Variants in PCBP3 observed in about 807,000 individuals in gnomAD.
PCBP3 encodes the protein poly(rC)-binding protein 3.
Under a neutral mutation model 52.7 loss-of-function variants are expected in PCBP3, and 25 were observed. The ratio of observed to expected loss-of-function variants is 0.47; its 90% CI spans 0.35 to 0.66. The LOEUF (loss-of-function observed/expected upper bound fraction) is 0.66, where lower values mean the gene tolerates loss of function less well. Ranked by LOEUF, PCBP3 falls within the 30% of genes least tolerant of loss-of-function variation. The pLI is 0.01. For synonymous variants in PCBP3, 162 were observed against 183.0 expected (o/e 0.89, Z 0.93); for missense variants, 391 against 490.3 (o/e 0.80, Z 1.91).
At chr21:45,844,294 G>A (rs779494558) in intron 4 of PCBP3, among the ~76,000 whole-genome samples, 1 of 152,222 alleles carries the variant, frequency 6.6e-6, no homozygotes, top group Admixed American at 6.5e-5. Context: ...GCTGCATGGA[G>A]CATAGACACG....
intron 2 of PCBP3, among the ~76,000 whole-genome samples, chr21:45,677,878 AG>A (rs1476278063): frequency 4.6e-5 from 7 of 152,288 alleles, no homozygotes; most frequent in Non-Finnish European, 7.3e-5. Flanking sequence ...GCCCAGAAAA[AG>A]GTTCCTCTCA....
chr21:45,936,957 C>T (rs990250709), intron 16 of PCBP3, among the ~76,000 whole-genome samples: 1 of 152,172 alleles, frequency 6.6e-6, no homozygotes, highest in Non-Finnish European at 1.5e-5. Flanking sequence ...TGGGTACAGC[C>T]TTCCATGCTT....
At chr21:45,779,696 A>G (rs920010752) in intron 4 of PCBP3, among the ~76,000 whole-genome samples, 5 of 152,210 alleles carry the variant, frequency 3.3e-5, no homozygotes, top group Non-Finnish European at 7.3e-5. Context: ...TTGCCAACAG[A>G]AATTGTTGAA....
intron 4 of PCBP3, among the ~76,000 whole-genome samples, chr21:45,810,904 T>C (rs1389327352): frequency 6.6e-6 from 1 of 152,230 alleles, no homozygotes; most frequent in Non-Finnish European, 1.5e-5. Flanking sequence ...AGTTTTAAAA[T>C]GGCCCCACTT....
chr21:45,782,735 CTT>C (rs575515447), intron 4 of PCBP3, among the ~76,000 whole-genome samples: 1 of 152,348 alleles, frequency 6.6e-6, no homozygotes, highest in Non-Finnish European at 1.5e-5. Flanking sequence ...AGCAAGCAAA[CTT>C]TTCACATCTG....
chr21:45,864,927 G>C (rs1048356996), intron 5 of PCBP3, among the ~76,000 whole-genome samples: 2 of 152,168 alleles, frequency 1.3e-5, no homozygotes, highest in Admixed American at 1.3e-4. Context: ...TTCTCTGCGT[G>C]AAAGTAATGC....
chr21:45,863,436 G>A (rs953323233), intron 5 of PCBP3, among the ~76,000 whole-genome samples: 4 of 152,190 alleles, frequency 2.6e-5, no homozygotes, highest in South Asian at 2.1e-4. Flanking sequence ...TGCTGCGGCC[G>A]TGTGTCCTAC....
chr21:45,875,334 T>A (rs566322628), intron 5 of PCBP3, among the ~76,000 whole-genome samples: 1 of 152,344 alleles, frequency 6.6e-6, no homozygotes, highest in Admixed American at 6.5e-5. Flanking sequence ...TGCTGGCAGC[T>A]GTTCCAGGTT....
intron 2 of PCBP3, among the ~76,000 whole-genome samples, chr21:45,716,580 A>T (rs2084240475): frequency 6.6e-6 from 1 of 152,094 alleles, no homozygotes; most frequent in African/African-American, 2.4e-5. Flanking sequence ...TCTTGTAAGG[A>T]CACTAGTTCT....
intron 1 of PCBP3, among the ~76,000 whole-genome samples, chr21:45,646,097 C>T (rs1316276124): frequency 1.1e-5 from 1 of 88,926 alleles, no homozygotes; most frequent in South Asian, 5.3e-4. Context: ...CTCTCTCTCT[C>T]TCTCTCTCTC....
At chr21:45,810,810 G>A (rs575539514) in intron 4 of PCBP3, among the ~76,000 whole-genome samples, 1 of 152,258 alleles carries the variant, frequency 6.6e-6, no homozygotes, top group Admixed American at 6.5e-5. Context: ...TGTCGGGAAG[G>A]TATTTGACAA....
intron 1 of PCBP3, among the ~76,000 whole-genome samples, chr21:45,662,514 A>C (rs2147099338): frequency 6.6e-6 from 1 of 152,094 alleles, no homozygotes; most frequent in African/African-American, 2.4e-5. Context: ...CCAGGTGCTG[A>C]GGCAAGAGAC....
rs1245402276 is a variant in PCBP3 at position 45,896,195 on chromosome 21, C to G, written c.11-13C>G. 2 of 1,550,826 alleles carry G rather than the reference C, an allele frequency of 1.3e-6. No homozygotes were observed. The highest frequency in any genetic ancestry group is 1.7e-6 in the Non-Finnish European group (2 of 1,146,846). On this transcript the variant is annotated splice_polypyrimidine_tract_variant and intron_variant, in intron 5 of 17. Transcript: ENST00000681687. ...GACTCTTCTCTAGCAGCAGCTGTGC[C>G]TTCTCTCTCCAGGTGACGCCTTCTG...
intron 5 of PCBP3, among the ~76,000 whole-genome samples, chr21:45,878,772 C>T (rs1017838693): frequency 3.3e-5 from 5 of 152,194 alleles, no homozygotes; most frequent in African/African-American, 1.2e-4. Flanking sequence ...GACCAGAGGA[C>T]AACTCGACGT....
chr21:45,905,070 C>G (rs181832070), intron 9 of PCBP3, among the ~76,000 whole-genome samples: 130 of 152,344 alleles, frequency 8.5e-4, no homozygotes, highest in African/African-American at 3.0e-3. Context: ...AAGGATACAA[C>G]CAGAATTTTC....
At chr21:45,825,818 G>T (rs1202874041) in intron 4 of PCBP3, among the ~76,000 whole-genome samples, 1 of 152,122 alleles carries the variant, frequency 6.6e-6, no homozygotes, top group Non-Finnish European at 1.5e-5. Flanking sequence ...GGACGTGGGG[G>T]CGCATGTGGA....
At chr21:45,646,269 C>A (rs766278908) in intron 1 of PCBP3, among the ~76,000 whole-genome samples, 1 of 151,902 alleles carries the variant, frequency 6.6e-6, no homozygotes, top group Non-Finnish European at 1.5e-5. Context: ...CTTGAAAACA[C>A]GCCATTTTAT....
At chr21:45,933,248 T>G (rs1170798363) in intron 15 of PCBP3, among the ~76,000 whole-genome samples, 1 of 152,150 alleles carries the variant, frequency 6.6e-6, no homozygotes, top group African/African-American at 2.4e-5. Context: ...TGTCTTGAGA[T>G]GAATGAACAC....
chr21:45,887,088 T>TG (rs1426062456), intron 5 of PCBP3, among the ~76,000 whole-genome samples: 1 of 152,244 alleles, frequency 6.6e-6, no homozygotes, highest in African/African-American at 2.4e-5. Context: ...CTGTGCCTGT[T>TG]GGCATTTCCG....
Sources: allele counts gnomAD v4.1 joint callset (sites outside exome capture counted in the v4.1 genomes callset), GRCh38; gene constraint gnomAD v4.1.1; transcripts MANE v1.5; gene names NCBI Gene and HGNC (gene_info 2026-07-23, HGNC 2026-07-21).